The following KLKB1 variants were observed in gnomAD, a reference collection of about 807,000 sequenced individuals.
The protein encoded by KLKB1 is plasma kallikrein.
A neutral mutation model predicts 73.6 loss-of-function variants in KLKB1; 58 were observed. The observed-to-expected ratio is 0.79, with a 90% CI of 0.64 to 0.98. The LOEUF (loss-of-function observed/expected upper bound fraction) is 0.98. Among genes scored for constraint, KLKB1 ranks in the 50% least tolerant of loss-of-function variants. KLKB1 has a pLI of 0.00. For missense variants in KLKB1, 737 were observed against 763.8 expected (o/e 0.96, Z 0.41); for synonymous variants, 280 against 258.1 (o/e 1.08, Z -0.81).
intron 2 of KLKB1, among the ~76,000 whole-genome samples, chr4:186,216,100 A>T (rs554287913): frequency 6.3e-4 from 96 of 152,242 alleles, no homozygotes; most frequent in Admixed American, 1.3e-3. Context: ...TTTCAGTGTC[A>T]TCTAAGACTG....
chr4:186,225,228 G>A (rs1463413799), upstream of KLKB1, among the ~76,000 whole-genome samples: 1 of 151,974 alleles, frequency 6.6e-6, no homozygotes, highest in Admixed American at 6.6e-5. Context: ...CTGAAGGACA[G>A]CTTTGCCTGA....
intron 6 of KLKB1, among the ~76,000 whole-genome samples, chr4:186,239,262 TGTTATA>T (rs1356062501): frequency 3.0e-5 from 4 of 135,280 alleles, no homozygotes; most frequent in Admixed American, 7.2e-5. Flanking sequence ...ACAGTGATAC[TGTTATA>T]GTTATAGAAA....
At chr4:186,216,328 G>A (rs10004932) in intron 2 of KLKB1, among the ~76,000 whole-genome samples, 80,297 of 152,070 alleles carry the variant, frequency 0.53, 21,622 homozygotes, top group South Asian at 0.67. Context: ...GCAAGCCCCA[G>A]TCCTACCAGC....
chr4:186,222,910 C>G (rs1017122040), upstream of KLKB1, among the ~76,000 whole-genome samples: 3 of 152,100 alleles, frequency 2.0e-5, no homozygotes, highest in Non-Finnish European at 4.4e-5. Context: ...AATCTCATCT[C>G]GAATTGCAAT....
In KLKB1 at chr4:186,245,803, TTTTTTTTTGTTTGTTTTTTGG is replaced by T. The variant is rs1224614522; in HGVS notation, c.599-4431_599-4411del. Among the ~76,000 whole-genome samples, 5 of 74,880 alleles carry T rather than the reference TTTTTTTTTGTTTGTTTTTTGG, an allele frequency of 6.7e-5. 2 individuals are homozygous for T. The highest frequency in any genetic ancestry group is 3.1e-4 in the Admixed American group (2 of 6,362). The allele number at this position is 74,880 out of a possible 152,430, so 49.1% of individuals were successfully genotyped here. A position where few individuals can be genotyped will look rare whatever the true frequency, so the allele number is the denominator to read the frequency against. ...GAGGGCTGGAATCTAATTTTTGGAG[TTTTTTTTTGTTTGTTTTTTGG>T]TTTTTTTTTTTTAATGTCAGGAGCT... On this transcript the variant is annotated intron_variant, in intron 6 of 14. Transcript: ENST00000264690.
chr4:186,213,170 CAGTA>C (rs1561441094), intron 2 of KLKB1: 1 of 152,128 alleles, frequency 6.6e-6, no homozygotes, highest in Non-Finnish European at 1.5e-5. Context: ...ATATTTTAAT[CAGTA>C]AGTCATTTAA....
At chr4:186,247,050 G>A (rs905663977) in intron 6 of KLKB1, among the ~76,000 whole-genome samples, 3 of 152,192 alleles carry the variant, frequency 2.0e-5, no homozygotes, top group African/African-American at 2.4e-5. Flanking sequence ...TTGGATAAGA[G>A]AGTAAAAAGA....
intron 2 of KLKB1, chr4:186,211,707 A>ACACACACACATT (rs1736730187): frequency 6.6e-6 from 1 of 152,118 alleles, no homozygotes; most frequent in Non-Finnish European, 1.5e-5. Context: ...ATACACACAT[A>ACACACACACATT]TAATTTGAAA....
intron 6 of KLKB1, among the ~76,000 whole-genome samples, chr4:186,246,401 A>C (rs1394234460): frequency 1.3e-5 from 2 of 152,174 alleles, no homozygotes; most frequent in Admixed American, 1.3e-4. Context: ...GGGAGGGACC[A>C]ATGTGTAAAA....
At chr4:186,213,862 AT>A (rs764496928) in intron 2 of KLKB1, among the ~76,000 whole-genome samples, 38 of 152,214 alleles carry the variant, frequency 2.5e-4, no homozygotes, top group Non-Finnish European at 4.4e-4. Flanking sequence ...ACATTTAAAA[AT>A]TTTTAGTCTG....
Position 186,258,423 on chromosome 4 carries a change from A to G in KLKB1, c.*211A>G. 1 of 623,478 alleles carries G rather than the reference A, an allele frequency of 1.6e-6. No homozygotes were observed. The highest frequency in any genetic ancestry group is 2.9e-6 in the Non-Finnish European group (1 of 345,688). 38.6% of individuals were successfully genotyped at this position (623,478 alleles called of 1,614,324 possible). On this transcript the variant is annotated 3_prime_UTR_variant, in exon 15 of 15. Transcript: ENST00000264690. ...CAGGGGCTGACAATGCGAGGTCGCA[A>G]CTGAGATCTCCATGACTGTGTGTTG...
chr4:186,252,122 A>C lies in KLKB1; in HGVS notation c.1250A>C (p.His417Pro). ...SLQVKLTAQR[H>P]LCGGSLIGHQ... The stretch of plus-strand genomic sequence containing the variant: ...CAGGTGAAGCTGACAGCTCAGAGGC[A>C]CCTGTGTGGAGGGTCACTCATAGGA... Residue 417 changes from histidine (H) to proline (P), a missense_variant, in exon 11 of 15, where the codon CAC becomes CCC. By Grantham distance (77) the His-to-Pro change is moderately conservative. Coordinates refer to ENST00000264690, the MANE Select transcript of KLKB1 (RefSeq NM_000892.5). The C allele has an allele frequency of 6.2e-7, 1 of 1,613,986 alleles. No individual in the cohort carries two copies. The highest frequency in any genetic ancestry group is 1.1e-5 in the South Asian group (1 of 91,088).
At chr4:186,212,236 A>G (rs550630644) in intron 2 of KLKB1, 68 of 152,322 alleles carry the variant, frequency 4.5e-4, no homozygotes, top group African/African-American at 1.5e-3. Flanking sequence ...CAGACGTGTC[A>G]TTAGAACATG....
At position 186,252,149 on chromosome 4, in the gene KLKB1, A is replaced by C; in HGVS notation, c.1277A>C (p.His426Pro). ...RHLCGGSLIG[H>P]QWVLTAAHCF... ...CTGTGTGGAGGGTCACTCATAGGAC[A>C]CCAGTGGGTCCTCACTGCTGCCCAC... The change falls in exon 11 of 15, where the codon CAC becomes CCC. Residue 426 changes from histidine to proline, a missense_variant. Transcript: ENST00000264690. The C allele has an allele frequency of 6.2e-7, 1 of 1,613,862 alleles. No homozygotes were observed. The highest frequency in any genetic ancestry group is 8.5e-7 in the Non-Finnish European group (1 of 1,180,004).
intron 2 of KLKB1, among the ~76,000 whole-genome samples, chr4:186,217,790 A>G (rs1561443468): frequency 6.6e-6 from 1 of 152,216 alleles, no homozygotes; most frequent in Non-Finnish European, 1.5e-5. Context: ...TAAAAATAAA[A>G]TTAAAATAGA....
chr4:186,228,024 A>G (rs890117300), intron 1 of KLKB1, among the ~76,000 whole-genome samples, 171 bp from the exon 2 acceptor site: 1 of 152,066 alleles, frequency 6.6e-6, no homozygotes, highest in African/African-American at 2.4e-5. Flanking sequence ...TAAATTTTCC[A>G]ACTCCCTAGA....
chr4:186,227,668 A>C (rs896202487), intron 1 of KLKB1, 81 bp downstream of exon 1: 3 of 152,228 alleles, frequency 2.0e-5, no homozygotes, highest in Non-Finnish European at 4.4e-5. Context: ...GAGAAAATTA[A>C]TCATTTATAT....
chr4:186,245,296 C>T (rs1351980635), intron 6 of KLKB1, among the ~76,000 whole-genome samples: 1 of 152,084 alleles, frequency 6.6e-6, no homozygotes, highest in Non-Finnish European at 1.5e-5. Flanking sequence ...GATGGATTTA[C>T]CCTCCACTGT....
intron 11 of KLKB1, among the ~76,000 whole-genome samples, chr4:186,252,576 TCCCACCACCAATCCCACCACCTAC>T (rs1231454446): frequency 8.1e-6 from 1 of 123,516 alleles, no homozygotes; most frequent in Non-Finnish European, 1.7e-5. Context: ...CCACCACCAA[TCCCACCACCAATCCCACCACCTAC>T]CCCACCACCA....
Sources: allele counts gnomAD v4.1 joint callset (sites outside exome capture counted in the v4.1 genomes callset), GRCh38; gene constraint gnomAD v4.1.1; transcripts MANE v1.5; gene names NCBI Gene and HGNC (gene_info 2026-07-23, HGNC 2026-07-21).